The following NCOA3 variants were observed in gnomAD, a reference collection of about 807,000 sequenced individuals.
The protein encoded by NCOA3 is CBP-interacting protein.
NCOA3 carries 51 observed loss-of-function variants against 158.8 expected under a neutral mutation model. That is an observed-to-expected ratio of 0.32 (90% CI 0.26 to 0.41). The LOEUF is 0.41. Among genes scored for constraint, NCOA3 ranks in the 10% least tolerant of loss-of-function variants. The probability of loss-of-function intolerance (pLI) is 1.00; values close to 1 mark genes in which losing one functional copy is unlikely to be tolerated. For synonymous variants in NCOA3, 537 were observed against 592.4 expected (o/e 0.91, Z 1.36); for missense variants, 1,510 against 1,746.6 (o/e 0.86, Z 2.41).
intron 1 of NCOA3, among the ~76,000 whole-genome samples, chr20:47,572,729 G>T (rs2085313641): frequency 6.6e-6 from 1 of 151,926 alleles, no homozygotes; most frequent in Non-Finnish European, 1.5e-5. Context: ...TAGAGATGGG[G>T]TTTCACCATG....
At chr20:47,617,051 G>T (rs2086151361) in intron 2 of NCOA3, among the ~76,000 whole-genome samples, 1 of 152,120 alleles carries the variant, frequency 6.6e-6, no homozygotes, top group Admixed American at 6.5e-5. Context: ...TGCCTCTCGG[G>T]TTTAAGCTTT....
chr20:47,564,286 G>A (rs1337276491), intron 1 of NCOA3, among the ~76,000 whole-genome samples: 2 of 148,120 alleles, frequency 1.4e-5, no homozygotes, highest in African/African-American at 5.0e-5. Flanking sequence ...TTCAATTATT[G>A]TAGCATGGGC....
At chr20:47,524,548 A>G (rs1459280080) in intron 1 of NCOA3, among the ~76,000 whole-genome samples, 2 of 152,128 alleles carry the variant, frequency 1.3e-5, no homozygotes, top group Non-Finnish European at 2.9e-5. Context: ...AGATAAAATG[A>G]CTTGGGCACA....
intron 6 of NCOA3, among the ~76,000 whole-genome samples, 190 bp downstream of exon 6, chr20:47,627,366 G>A (rs1442271669): frequency 6.6e-6 from 1 of 152,166 alleles, no homozygotes; most frequent in Non-Finnish European, 1.5e-5. Flanking sequence ...GAGGCATATA[G>A]TTACAAAATA....
At chr20:47,641,567 C>G (rs1423798788) in intron 16 of NCOA3, among the ~76,000 whole-genome samples, 1 of 133,148 alleles carries the variant, frequency 7.5e-6, no homozygotes, top group Non-Finnish European at 1.5e-5. Flanking sequence ...GTGGCGCAAT[C>G]TCGGATCACT....
At chr20:47,646,929 T>C in intron 17 of NCOA3, 144 bp from the exon 18 acceptor site, 2 of 675,378 alleles carry the variant, frequency 3.0e-6, no homozygotes, top group Non-Finnish European at 5.1e-6. Flanking sequence ...CCTTAGCATG[T>C]AGAGAAGTGA....
In NCOA3 at chr20:47,651,185, T is replaced by C. The variant is rs1304037311; in HGVS notation, c.3855T>C (p.Asn1285=). 1.9e-6 allele frequency: 3 copies of C among 1,614,082 alleles called. No individual in the cohort carries two copies. Among genetic ancestry groups the C allele is most frequent in the Non-Finnish European group, 2.5e-6 (3 of 1,179,998 alleles). The change falls in exon 20 of 23, where the codon AAT becomes AAC. Residue 1285 remains asparagine (N), a synonymous_variant. Transcript: ENST00000371998. ...QQTQAFSPPP[N]VTASPSMDGL... is the part of the protein sequence containing the mutation. Reference sequence around the variant, plus strand: ...CCCAGGCCTTCAGCCCACCTCCTAATGTGACTGCTTCCCCCAGCATGGATG... The same window carrying C: ...CCCAGGCCTTCAGCCCACCTCCTAACGTGACTGCTTCCCCCAGCATGGATG...
At chr20:47,607,798 C>T (rs1568721903) in intron 2 of NCOA3, among the ~76,000 whole-genome samples, 1 of 152,104 alleles carries the variant, frequency 6.6e-6, no homozygotes, top group Non-Finnish European at 1.5e-5. Context: ...AATAGTCCTT[C>T]CTTTTACAAG....
chr20:47,576,692 C>G lies in NCOA3; in HGVS notation c.-98-6491C>G, dbSNP rs961671763. Among the ~76,000 whole-genome samples the G allele has an allele frequency of 2.6e-5, 4 of 152,188 alleles. No individual in the cohort carries two copies. In the East Asian group the frequency reaches 7.7e-4, roughly 29 times the overall value. On this transcript the variant is annotated intron_variant, in intron 1 of 22. Transcript: ENST00000371998. Reference sequence around the variant, plus strand: ...TCCTGGTAGCCAATGAGTTAATGTTCATTTGCAGCCCGAGGGGTCAGCATG... The same window carrying G: ...TCCTGGTAGCCAATGAGTTAATGTTGATTTGCAGCCCGAGGGGTCAGCATG...
chr20:47,583,785 A>G (rs2065380474), intron 2 of NCOA3, among the ~76,000 whole-genome samples: 1 of 152,052 alleles, frequency 6.6e-6, no homozygotes, highest in African/African-American at 2.4e-5. Flanking sequence ...GCGAAACCCC[A>G]TCTCTACAGA....
At chr20:47,593,234 C>G (rs1056156224) in intron 2 of NCOA3, among the ~76,000 whole-genome samples, 1 of 151,442 alleles carries the variant, frequency 6.6e-6, no homozygotes, top group Non-Finnish European at 1.5e-5. Flanking sequence ...CACCCGGCCA[C>G]CACATACGTT....
At chr20:47,563,085 TG>T (rs1220822637) in intron 1 of NCOA3, among the ~76,000 whole-genome samples, 1 of 152,228 alleles carries the variant, frequency 6.6e-6, no homozygotes. Context: ...CCACAAGCTT[TG>T]TCTACATTTC....
chr20:47,638,952 T>G, intron 13 of NCOA3, 56 bp from the exon 14 acceptor site: 2 of 1,401,038 alleles, frequency 1.4e-6, no homozygotes, highest in Non-Finnish European at 1.9e-6. Context: ...TGTTTTGTAC[T>G]TGATTATTTA....
At position 47,635,589 on chromosome 20, in the gene NCOA3, G is replaced by A. The variant is rs777720432; in HGVS notation, c.1380G>A (p.Gly460=). Residue 460 remains glycine, a synonymous_variant, in exon 11 of 23, where the codon GGG becomes GGA. Transcript: ENST00000371998. ...CTTCCTACCAGAACAACAACTATGG[G>A]CTCAACATGAGTAGCCCCCCACATG... The part of the protein sequence containing the change: ...SPSSYQNNNY[G]LNMSSPPHGS... 2 of 1,613,988 alleles carry A rather than the reference G, an allele frequency of 1.2e-6. No individual in the cohort carries two copies. Among genetic ancestry groups the A allele is most frequent in the African/African-American group, 2.7e-5 (2 of 74,880 alleles).
chr20:47,559,867 G>T (rs1263369304), intron 1 of NCOA3, among the ~76,000 whole-genome samples: 1 of 151,716 alleles, frequency 6.6e-6, no homozygotes, highest in Non-Finnish European at 1.5e-5. Context: ...GCCCAGGCTG[G>T]TCTCAAACTC....
intron 1 of NCOA3, among the ~76,000 whole-genome samples, chr20:47,518,676 C>T (rs377668445): frequency 2.6e-5 from 4 of 151,910 alleles, no homozygotes; most frequent in African/African-American, 7.2e-5. Context: ...CTACCTGCCT[C>T]GGCCTCCCAA....
chr20:47,527,469 C>T (rs1222341556), intron 1 of NCOA3, among the ~76,000 whole-genome samples: 10 of 151,834 alleles, frequency 6.6e-5, no homozygotes, highest in Admixed American at 6.6e-4. Flanking sequence ...TATATGAGTT[C>T]TTATTTTGTT....
Position 47,633,537 on chromosome 20 carries a change from A to C in NCOA3, c.865A>C (p.Met289Leu). Residue 289 changes from methionine (M) to leucine (L), a missense_variant, in exon 9 of 23, where the codon ATG (methionine) becomes CTG (leucine). Met to Leu is a conservative substitution (Grantham distance 15). This residue lies in a region of NCOA3 where 309 missense variants were observed against 427.1 expected (regional missense o/e 0.72). Coordinates refer to ENST00000371998, the MANE Select transcript of NCOA3 (RefSeq NM_181659.3). ...NIDTNSLRSSMRPGFEDIIRR... is the reference protein window; with the variant it reads ...NIDTNSLRSSLRPGFEDIIRR... ...AGATACAAATTCACTGAGATCCTCC[A>C]TGAGGCCTGGCTTTGAAGATATAAT... 6.2e-7 allele frequency: 1 copy of C among 1,613,584 alleles called. No individual in the cohort carries two copies. The highest frequency in any genetic ancestry group is 8.5e-7 in the Non-Finnish European group (1 of 1,179,616).
At chr20:47,574,713 C>A (rs2085346298) in intron 1 of NCOA3, among the ~76,000 whole-genome samples, 1 of 152,104 alleles carries the variant, frequency 6.6e-6, no homozygotes, top group Admixed American at 6.6e-5. Flanking sequence ...CTTCAAGGGC[C>A]TGTATCTTCC....
Sources: gnomAD v4.1 joint callset for allele counts (sites outside exome capture counted in the v4.1 genomes callset) on GRCh38, gnomAD v4.1.1 for gene constraint, gnomAD v4.1.1 regional missense constraint, MANE v1.5 for transcripts, NCBI Gene and HGNC (gene_info 2026-07-23, HGNC 2026-07-21) for gene names.